Variants in ASTN2 observed in about 807,000 individuals in gnomAD.
ASTN2 encodes astrotactin-2.
ASTN2 carries 54 observed loss-of-function variants against 139.8 expected under a neutral mutation model. The ratio of observed to expected loss-of-function variants is 0.39; its 90% CI spans 0.31 to 0.48. The LOEUF (loss-of-function observed/expected upper bound fraction) is 0.48, where lower values mean the gene tolerates loss of function less well. Ranked by LOEUF, ASTN2 falls within the 20% of genes least tolerant of loss-of-function variation. ASTN2 has a pLI of 0.95. For missense variants in ASTN2, 1,565 were observed against 1,725.1 expected, an observed-to-expected ratio of 0.91 and a Z score of 1.64; for synonymous variants, 756 against 719.5, an observed-to-expected ratio of 1.05 and a Z score of -0.81.
chr9:117,318,236 G>A (rs1828209701), intron 1 of ASTN2, among the ~76,000 whole-genome samples: 1 of 152,170 alleles, frequency 6.6e-6, no homozygotes, highest in African/African-American at 2.4e-5. Flanking sequence ...CTATGCCTCA[G>A]TGTTTCTATC....
chr9:116,604,261 G>A (rs62576127), intron 19 of ASTN2, among the ~76,000 whole-genome samples: 21,641 of 152,076 alleles, frequency 0.14, 1,657 homozygotes, highest in Middle Eastern at 0.19. Context: ...AGGCAGGCTG[G>A]GTGGCATGGG....
At chr9:116,841,332 G>C (rs572010252) in intron 11 of ASTN2, among the ~76,000 whole-genome samples, 2 of 152,352 alleles carry the variant, frequency 1.3e-5, no homozygotes, top group East Asian at 3.9e-4. Context: ...CAGCAGTACC[G>C]TCCAGCTTCG....
intron 12 of ASTN2, among the ~76,000 whole-genome samples, chr9:116,817,182 T>A (rs1831355462): frequency 6.6e-6 from 1 of 150,518 alleles, no homozygotes; most frequent in Non-Finnish European, 1.5e-5. Flanking sequence ...TAGTCCCGGG[T>A]ACTAGGGAGG....
chr9:116,798,619 G>A (rs117431763), intron 13 of ASTN2, among the ~76,000 whole-genome samples: 1,849 of 152,318 alleles, frequency 0.012, 21 homozygotes, highest in Non-Finnish European at 0.016. Flanking sequence ...ATGTCTTATC[G>A]TAAGATGCAT....
At chr9:116,666,318 A>G (rs976566726) in intron 16 of ASTN2, among the ~76,000 whole-genome samples, 2 of 152,232 alleles carry the variant, frequency 1.3e-5, no homozygotes, top group Admixed American at 6.5e-5. Context: ...GGGGGTCTGC[A>G]GACTTGTATA....
At chr9:116,909,111 G>A (rs538668017) in intron 10 of ASTN2, among the ~76,000 whole-genome samples, 1 of 152,276 alleles carries the variant, frequency 6.6e-6, no homozygotes, top group African/African-American at 2.4e-5. Flanking sequence ...TGGCAGGGAG[G>A]CATTTGGGCA....
At chr9:116,686,611 A>C in intron 16 of ASTN2, 1 of 1,376,776 alleles carries the variant, frequency 7.3e-7, no homozygotes, top group Non-Finnish European at 1.0e-6. Flanking sequence ...GATTCCCTCA[A>C]ATCTCAGGCC....
chr9:117,275,020 A>G (rs1834152809), intron 2 of ASTN2, among the ~76,000 whole-genome samples: 1 of 152,248 alleles, frequency 6.6e-6, no homozygotes, highest in Non-Finnish European at 1.5e-5. Context: ...CTTTTCATCC[A>G]GAAAATGAGT....
At chr9:117,120,482 A>T (rs776713943) in intron 4 of ASTN2, among the ~76,000 whole-genome samples, 26 of 152,188 alleles carry the variant, frequency 1.7e-4, no homozygotes, top group Non-Finnish European at 3.5e-4. Flanking sequence ...GAAGAGGAAC[A>T]TCCAGACATT....
intron 1 of ASTN2, among the ~76,000 whole-genome samples, chr9:117,368,876 T>C (rs980047299): frequency 6.6e-6 from 1 of 152,316 alleles, no homozygotes; most frequent in East Asian, 1.9e-4. Context: ...AACAATCATT[T>C]ATAAGCTTAA....
rs187111521 is a variant in ASTN2, at chr9:117,380,817, C to A, written c.442+33680G>T. ...AACCTAGTAGCTGATGGAAAGGTAA[C>A]ATGGTGCAGTTACTTTGAAAAACCA... On this transcript the variant is annotated intron_variant, in intron 1 of 22. Coordinates refer to ENST00000313400, the MANE Select transcript of ASTN2 (RefSeq NM_001365068.1). Among the ~76,000 whole-genome samples the A allele has an allele frequency of 5.7e-3, 862 of 152,240 alleles. 33 individuals carry two copies. Among genetic ancestry groups the A allele is most frequent in the Non-Finnish European group, 8.8e-4 (60 of 68,002 alleles).
At chr9:117,356,292 T>C in intron 1 of ASTN2, among the ~76,000 whole-genome samples, 1 of 152,198 alleles carries the variant, frequency 6.6e-6, no homozygotes, top group East Asian at 1.9e-4. Context: ...TCCAGGGAGA[T>C]AAATATGCAT....
chr9:116,736,142 T>C (rs1828919720), intron 13 of ASTN2, among the ~76,000 whole-genome samples: 2 of 152,218 alleles, frequency 1.3e-5, no homozygotes, highest in South Asian at 4.1e-4. Flanking sequence ...TTGAGTAATA[T>C]ATTGCTTTCA....
At chr9:116,680,070 T>A (rs1251950351) in intron 16 of ASTN2, among the ~76,000 whole-genome samples, 2 of 152,016 alleles carry the variant, frequency 1.3e-5, no homozygotes, top group African/African-American at 2.4e-5. Context: ...CTTCAAAAAA[T>A]TAATGAATCC....
intron 2 of ASTN2, among the ~76,000 whole-genome samples, chr9:117,244,883 T>C (rs1353977563): frequency 6.6e-6 from 1 of 152,078 alleles, no homozygotes; most frequent in Non-Finnish European, 1.5e-5. Context: ...TCTCCTATCA[T>C]CAACGTGAGA....
At chr9:116,627,471 C>T (rs994946726) in intron 17 of ASTN2, among the ~76,000 whole-genome samples, 1 of 152,212 alleles carries the variant, frequency 6.6e-6, no homozygotes, top group Non-Finnish European at 1.5e-5. Context: ...TGCATTTGGT[C>T]CTGGGTTCAA....
At chr9:116,783,139 C>T (rs142533772) in intron 13 of ASTN2, among the ~76,000 whole-genome samples, 10 of 152,230 alleles carry the variant, frequency 6.6e-5, no homozygotes, top group East Asian at 5.8e-4. Flanking sequence ...AGGCTTTCTG[C>T]GTCTCTATCA....
chr9:116,935,722 AGATAAGGAAGT>A (rs1163893936), intron 10 of ASTN2, among the ~76,000 whole-genome samples: 9 of 152,194 alleles, frequency 5.9e-5, no homozygotes, highest in Admixed American at 5.9e-4. Context: ...CTCAACTGCA[AGATAAGGAAGT>A]GATACTGCCT....
intron 20 of ASTN2, among the ~76,000 whole-genome samples, chr9:116,444,213 T>C (rs2118889570): frequency 6.6e-6 from 1 of 152,302 alleles, no homozygotes; most frequent in Middle Eastern, 3.4e-3. Flanking sequence ...CTAAAATTCA[T>C]ACATGCAACC....
Sources: gnomAD v4.1 joint callset for allele counts (sites outside exome capture counted in the v4.1 genomes callset) on GRCh38, gnomAD v4.1.1 for gene constraint, MANE v1.5 for transcripts, NCBI Gene and HGNC (gene_info 2026-07-23, HGNC 2026-07-21) for gene names.